YAF2: variants seen among roughly 807,000 people sequenced by gnomAD.
YAF2 encodes the protein YY1-associated factor 2.
A neutral mutation model predicts 20.1 loss-of-function variants in YAF2; 7 were observed. The ratio of observed to expected loss-of-function variants is 0.35; its 90% CI spans 0.20 to 0.65. The LOEUF is 0.65. Ranked by LOEUF, YAF2 falls within the 30% of genes least tolerant of loss-of-function variation. The probability of loss-of-function intolerance (pLI) is 0.69; values close to 1 mark genes in which losing one functional copy is unlikely to be tolerated. For synonymous variants in YAF2, 74 were observed against 76.0 expected (o/e 0.97, Z 0.14); for missense variants, 151 against 219.2 (o/e 0.69, Z 1.96).
intron 2 of YAF2, among the ~76,000 whole-genome samples, chr12:42,216,101 T>C (rs2067350864): frequency 6.6e-6 from 1 of 152,146 alleles, no homozygotes; most frequent in Non-Finnish European, 1.5e-5. Flanking sequence ...GTTAGAGGCA[T>C]AGACTTAAAG....
At chr12:42,200,378 G>A (rs2066866809) in intron 2 of YAF2, among the ~76,000 whole-genome samples, 1 of 152,134 alleles carries the variant, frequency 6.6e-6, no homozygotes, top group Non-Finnish European at 1.5e-5. Flanking sequence ...AAAGAGAGAG[G>A]CTGAAAACTA....
At chr12:42,237,830 C>A (rs1370899816) in intron 1 of YAF2, 106 bp from the exon 2 acceptor site, 2 of 917,564 alleles carry the variant, frequency 2.2e-6, no homozygotes, top group Non-Finnish European at 2.6e-6. Context: ...CCCAATTCTG[C>A]GACCCCCGCC....
intron 2 of YAF2, among the ~76,000 whole-genome samples, chr12:42,215,480 GTTT>G (rs1316606940): frequency 2.0e-5 from 3 of 152,178 alleles, no homozygotes; most frequent in Non-Finnish European, 4.4e-5. Flanking sequence ...AACAAATGAA[GTTT>G]TAAAATATGT....
In YAF2 at chr12:42,211,906, G is replaced by A. The variant is rs547899562; in HGVS notation, c.152+25693C>T. ...TCTACTAAAAATACAAAAATTAGCC[G>A]GGTGTAGTGGCAGGTGCCTATAATC... On this transcript the variant is annotated intron_variant, in intron 2 of 3. Coordinates refer to ENST00000534854, the MANE Select transcript of YAF2 (RefSeq NM_005748.6). Among the ~76,000 whole-genome samples the A allele has an allele frequency of 1.1e-4, 17 of 151,558 alleles. 1 individual carries two copies. The highest frequency in any genetic ancestry group is 1.9e-4 in the Non-Finnish European group (13 of 67,902).
intron 3 of YAF2, chr12:42,161,281 C>G (rs2065793903): frequency 3.9e-6 from 1 of 255,720 alleles, no homozygotes; most frequent in Non-Finnish European, 7.4e-6. Flanking sequence ...AGGTTAAAAC[C>G]CATGCAATTA....
chr12:42,200,671 G>A lies in YAF2; in HGVS notation c.152+36928C>T, dbSNP rs558543439. Among the ~76,000 whole-genome samples the A allele has an allele frequency of 5.9e-5, 9 of 152,250 alleles. No individual in the cohort carries two copies. In the East Asian group the frequency reaches 1.7e-3, roughly 29 times the overall value. On this transcript the variant is annotated intron_variant, in intron 2 of 3. Coordinates refer to ENST00000534854, the MANE Select transcript of YAF2 (RefSeq NM_005748.6). ...ATCATCAGTGTATCTCCCTCACCTT[G>A]CAATGACATCCAGAGGCAACCACTA...
chr12:42,223,235 T>C (rs185672533), intron 2 of YAF2, among the ~76,000 whole-genome samples: 40 of 152,274 alleles, frequency 2.6e-4, no homozygotes, highest in African/African-American at 9.1e-4. Flanking sequence ...AAGTTACATA[T>C]AGCGCCAGCA....
intron 2 of YAF2, among the ~76,000 whole-genome samples, chr12:42,212,672 G>A (rs1202010504): frequency 2.0e-5 from 3 of 152,152 alleles, no homozygotes; most frequent in African/African-American, 7.2e-5. Flanking sequence ...ATCCTGTTAT[G>A]AGGTCATATT....
intron 2 of YAF2, among the ~76,000 whole-genome samples, chr12:42,177,176 T>C (rs1025899315): frequency 3.9e-5 from 6 of 152,202 alleles, no homozygotes; most frequent in African/African-American, 1.4e-4. Flanking sequence ...ATTGCTCTAG[T>C]CCACAAGTCT....
chr12:42,183,817 T>C (rs749982143), intron 2 of YAF2, among the ~76,000 whole-genome samples: 1 of 152,218 alleles, frequency 6.6e-6, no homozygotes, highest in Admixed American at 6.5e-5. Context: ...GAAGATGCCA[T>C]CTAGGACTTT....
At chr12:42,229,886 C>G (rs1476263269) in intron 2 of YAF2, among the ~76,000 whole-genome samples, 1 of 152,188 alleles carries the variant, frequency 6.6e-6, no homozygotes, top group Non-Finnish European at 1.5e-5. Flanking sequence ...CCAAAAATGT[C>G]ATTATGGAGT....
At chr12:42,161,241 T>A (rs2065792878) in intron 3 of YAF2, 1 of 253,538 alleles carries the variant, frequency 3.9e-6, no homozygotes, top group African/African-American at 2.3e-5. Flanking sequence ...GTATCATGAT[T>A]GTTATGACTG....
At chr12:42,164,890 T>G (rs185683090) in intron 2 of YAF2, among the ~76,000 whole-genome samples, 1 of 151,604 alleles carries the variant, frequency 6.6e-6, no homozygotes, top group Admixed American at 6.6e-5. Flanking sequence ...GGCAACATAG[T>G]GAAAACCCAT....
At chr12:42,177,782 TTTTAC>T (rs2066234272) in intron 2 of YAF2, among the ~76,000 whole-genome samples, 1 of 152,162 alleles carries the variant, frequency 6.6e-6, no homozygotes, top group African/African-American at 2.4e-5. Context: ...AAGTCTTCCT[TTTTAC>T]TTTATTCTTT....
At chr12:42,222,812 C>G (rs1233425593) in intron 2 of YAF2, among the ~76,000 whole-genome samples, 1 of 151,968 alleles carries the variant, frequency 6.6e-6, no homozygotes. Flanking sequence ...TTTTAATTCT[C>G]ATTGTTGAGA....
chr12:42,200,087 C>T (rs77600253), intron 2 of YAF2, among the ~76,000 whole-genome samples: 1,605 of 152,230 alleles, frequency 0.011, 29 homozygotes, highest in African/African-American at 0.037. Flanking sequence ...AAGCAAAAGG[C>T]ATTACACTAA....
At chr12:42,187,977 G>A (rs1449647084) in intron 2 of YAF2, among the ~76,000 whole-genome samples, 2 of 152,198 alleles carry the variant, frequency 1.3e-5, no homozygotes, top group Admixed American at 6.5e-5. Flanking sequence ...GGAAGAAAAT[G>A]TTCCAGCTGA....
intron 2 of YAF2, among the ~76,000 whole-genome samples, chr12:42,173,099 T>C (rs2066092120): frequency 6.6e-6 from 1 of 152,078 alleles, no homozygotes; most frequent in South Asian, 2.1e-4. Context: ...GTAAAAATTC[T>C]TCTAAATACT....
chr12:42,163,648 G>T (rs1449323577), intron 2 of YAF2, among the ~76,000 whole-genome samples: 3 of 152,230 alleles, frequency 2.0e-5, no homozygotes, highest in African/African-American at 2.4e-5. Context: ...TTCACTTAAA[G>T]ATTATGATTT....
Sources: gnomAD v4.1 joint callset for allele counts (sites outside exome capture counted in the v4.1 genomes callset) on GRCh38, gnomAD v4.1.1 for gene constraint, MANE v1.5 for transcripts, NCBI Gene and HGNC (gene_info 2026-07-23, HGNC 2026-07-21) for gene names.